Variants in SLC36A1 observed in about 807,000 individuals in gnomAD.
The protein encoded by SLC36A1 is solute carrier family 36 member 1.
A neutral mutation model predicts 47.5 loss-of-function variants in SLC36A1; 30 were observed. The observed-to-expected ratio is 0.63, with a 90% CI of 0.47 to 0.86. The LOEUF is 0.86. SLC36A1 is among the 40% of genes least tolerant of loss of function. The pLI, the probability that SLC36A1 is intolerant of heterozygous loss-of-function variation, is 0.00. For synonymous variants in SLC36A1, 255 were observed against 249.7 expected, an observed-to-expected ratio of 1.02 and a Z score of -0.20; for missense variants, 517 against 606.0, an observed-to-expected ratio of 0.85 and a Z score of 1.54.
the SLC36A1 span, chr5:151,529,179 G>T: frequency 9.9e-5 from 160 of 1,613,790 alleles, 2 homozygotes; most frequent in South Asian, 1.7e-3. Context: ...GATCCTTACC[G>T]TGAGGATGAC....
In SLC36A1 at chr5:151,474,159, C is replaced by CAAAAAAAAAAAAAAAAAA. The variant is rs1156305401; in HGVS notation, c.822+391_822+408dup. ...TGGGTGACAGAGCGAGACTCTGTCT[C>CAAAAAAAAAAAAAAAAAA]AAAAAAAAAAAAAAAAAAAAGAAAT... On this transcript the variant is annotated intron_variant, in intron 8 of 10. Transcript: ENST00000243389. Among the ~76,000 whole-genome samples, 67 of 59,910 alleles carry CAAAAAAAAAAAAAAAAAA rather than the reference C, an allele frequency of 1.1e-3. 2 individuals carry two copies. Among genetic ancestry groups the CAAAAAAAAAAAAAAAAAA allele is most frequent in the African/African-American group, 5.5e-3 (66 of 11,952 alleles). 39.3% of individuals were successfully genotyped at this position (59,910 alleles called of 152,430 possible).
At chr5:151,534,554 C>A in the SLC36A1 span, 8 of 1,614,088 alleles carry the variant, frequency 5.0e-6, no homozygotes, top group Non-Finnish European at 5.9e-6. Context: ...CTGCCTGGCA[C>A]GATCGGCCAC....
At chr5:151,495,967 A>C (rs1760326833), downstream of SLC36A1, among the ~76,000 whole-genome samples, 1 of 152,196 alleles carries the variant, frequency 6.6e-6, no homozygotes, top group African/African-American at 2.4e-5. Flanking sequence ...AAAGTACTAT[A>C]AATATTTGTA....
the SLC36A1 span, among the ~76,000 whole-genome samples, chr5:151,405,094 C>T: frequency 2.0e-5 from 3 of 152,056 alleles, no homozygotes; most frequent in East Asian, 5.8e-4. Context: ...TTTTTAAATT[C>T]TTTTATTTTT....
intron 1 of SLC36A1, among the ~76,000 whole-genome samples, chr5:151,457,210 G>A (rs1389192995): frequency 2.0e-5 from 3 of 152,058 alleles, no homozygotes; most frequent in Non-Finnish European, 2.9e-5. Context: ...TCTGACAGGG[G>A]TCAGGAGATA....
At chr5:151,479,576 TGTA>T (rs1348271974) in intron 10 of SLC36A1, 87 bp downstream of exon 10, 1 of 1,486,408 alleles carries the variant, frequency 6.7e-7, no homozygotes, top group African/African-American at 1.4e-5. Context: ...CAATGTGTGT[TGTA>T]GTGAAGCTGG....
At chr5:151,549,486 G>A in the SLC36A1 span, 5 of 1,614,140 alleles carry the variant, frequency 3.1e-6, no homozygotes, top group East Asian at 4.5e-5. Flanking sequence ...CCTCTTGATA[G>A]GTATTTCCTG....
In SLC36A1 at chr5:151,473,722, A is replaced by G. The variant is rs1413119052; in HGVS notation, c.773A>G (p.Tyr258Cys). ...HLPLVAPWKT[Y>C]PLFFGTAIFS... ...CCCTTGGTGGCCCCTTGGAAGACCTACCCTCTCTTCTTTGGCACAGCGATT... is the reference window on the plus strand; with the variant it reads ...CCCTTGGTGGCCCCTTGGAAGACCTGCCCTCTCTTCTTTGGCACAGCGATT... Residue 258 changes from tyrosine to cysteine, a missense_variant, in exon 8 of 11, where the codon TAC becomes TGC. Tyr to Cys is a radical substitution (Grantham distance 194). Transcript: ENST00000243389. 1 of 1,613,938 alleles carries G rather than the reference A, an allele frequency of 6.2e-7. No individual in the cohort carries two copies. The highest frequency in any genetic ancestry group is 2.2e-5 in the East Asian group (1 of 44,870).
At chr5:151,366,825 G>A in the SLC36A1 span, among the ~76,000 whole-genome samples, 1 of 152,226 alleles carries the variant, frequency 6.6e-6, no homozygotes, top group Admixed American at 6.5e-5. Context: ...AAGAGAGACA[G>A]TACAAAGAGA....
the SLC36A1 span, among the ~76,000 whole-genome samples, chr5:151,417,037 G>T: frequency 6.6e-6 from 1 of 152,124 alleles, no homozygotes; most frequent in Non-Finnish European, 1.5e-5. Context: ...GCTTCCTGAG[G>T]CCTCCCCAAC....
chr5:151,484,040 G>GATGA (rs1759187328), intron 10 of SLC36A1, among the ~76,000 whole-genome samples: 1 of 152,216 alleles, frequency 6.6e-6, no homozygotes, highest in African/African-American at 2.4e-5. Flanking sequence ...AAAATATCAT[G>GATGA]ATGAAGCGGA....
chr5:151,486,982 C>G (rs903166589), intron 10 of SLC36A1, among the ~76,000 whole-genome samples: 7 of 152,210 alleles, frequency 4.6e-5, no homozygotes, highest in Non-Finnish European at 1.0e-4. Context: ...CATGACATCT[C>G]TATGATTCAG....
chr5:151,384,255 T>G, the SLC36A1 span, among the ~76,000 whole-genome samples: 2 of 152,318 alleles, frequency 1.3e-5, 1 homozygote, highest in South Asian at 4.1e-4. Flanking sequence ...TTCCGGGTGT[T>G]GGCTCTAGAA....
intron 10 of SLC36A1, chr5:151,479,934 A>C (rs760899700): frequency 3.3e-5 from 19 of 573,228 alleles, no homozygotes; most frequent in Non-Finnish European, 5.4e-5. Context: ...GCTTTATGAT[A>C]GTATTCTAGA....
downstream of SLC36A1, among the ~76,000 whole-genome samples, chr5:151,497,179 C>T (rs548187986): frequency 1.3e-5 from 2 of 152,248 alleles, no homozygotes; most frequent in African/African-American, 4.8e-5. Flanking sequence ...AGTGAACATC[C>T]TAGTCCAGTC....
chr5:151,435,390 G>A (rs1299756964), upstream of SLC36A1, among the ~76,000 whole-genome samples: 1 of 152,094 alleles, frequency 6.6e-6, no homozygotes, highest in Non-Finnish European at 1.5e-5. Flanking sequence ...TTCACTAAAG[G>A]AAAATTTAAA....
In SLC36A1 at chr5:151,465,188, C is replaced by T; in HGVS notation, c.419+19C>T. 2 of 1,600,334 alleles carry T rather than the reference C, an allele frequency of 1.2e-6. No individual in the cohort carries two copies. Among genetic ancestry groups the T allele is most frequent in the East Asian group, 2.2e-5 (1 of 44,826 alleles). On this transcript the variant is annotated intron_variant, in intron 5 of 10. Transcript: ENST00000243389. ...GGGGAAGGTAACTGATTTCCTCCTT[C>T]CTTTCAACTGTGGCCTCCCAGTGTG...
At chr5:151,360,399 GAA>G in the SLC36A1 span, among the ~76,000 whole-genome samples, 1 of 152,184 alleles carries the variant, frequency 6.6e-6, no homozygotes, top group Non-Finnish European at 1.5e-5. Flanking sequence ...ACAAGGAAGA[GAA>G]AATATATTTA....
chr5:151,367,374 T>TTCCCCC, the SLC36A1 span, among the ~76,000 whole-genome samples: 1 of 145,466 alleles, frequency 6.9e-6, no homozygotes, highest in African/African-American at 2.6e-5. Flanking sequence ...TTTTTTTTTT[T>TTCCCCC]CCCCAGGGTA....
Sources: gnomAD v4.1 joint callset for allele counts (sites outside exome capture counted in the v4.1 genomes callset) on GRCh38, gnomAD v4.1.1 for gene constraint, MANE v1.5 for transcripts, NCBI Gene and HGNC (gene_info 2026-07-23, HGNC 2026-07-21) for gene names.